EDA: variants seen among roughly 807,000 people sequenced by gnomAD.
The protein encoded by EDA is ectodysplasin-A.
A neutral mutation model predicts 23.6 loss-of-function variants in EDA; 2 were observed. That is an observed-to-expected ratio of 0.08 (90% CI 0.03 to 0.27). The LOEUF is 0.27. Among genes scored for constraint, EDA ranks in the 10% least tolerant of loss-of-function variants. The probability of loss-of-function intolerance (pLI) is 1.00; values close to 1 mark genes in which losing one functional copy is unlikely to be tolerated. For missense variants in EDA, 229 were observed against 324.2 expected (o/e 0.71, Z 2.26); for synonymous variants, 131 against 132.0 (o/e 0.99, Z 0.05).
intron 1 of EDA, among the ~76,000 whole-genome samples, chrX:69,699,965 C>T (rs1032919399): frequency 1.8e-5 from 2 of 110,591 alleles, no homozygotes; most frequent in African/African-American, 3.3e-5. Context: ...TAATTTCTTG[C>T]TTAGTTTGCA....
rs182047831 is a variant in EDA at position 69,943,361 on chromosome X, A to G, written c.397-13666A>G. Reference sequence around the variant, plus strand: ...TGAAGGGACTTGAGTGTTGTGATCTAAGTCTTTGGTCACTGCAGCTTTAGG... The same window carrying G: ...TGAAGGGACTTGAGTGTTGTGATCTGAGTCTTTGGTCACTGCAGCTTTAGG... On this transcript the variant is annotated intron_variant, in intron 1 of 7. Coordinates refer to ENST00000374552, the MANE Select transcript of EDA (RefSeq NM_001399.5). Among the ~76,000 whole-genome samples, 4 of 111,794 alleles carry G rather than the reference A, an allele frequency of 3.6e-5. No homozygotes were observed. In the East Asian group the frequency reaches 1.1e-3, roughly 32 times the overall value.
At chrX:69,689,334 C>T (rs1319370005) in intron 1 of EDA, among the ~76,000 whole-genome samples, 3 of 99,150 alleles carry the variant, frequency 3.0e-5, no homozygotes, top group East Asian at 3.1e-4. Context: ...CTTGCTCTGT[C>T]GCCCAGGCTA....
intron 1 of EDA, among the ~76,000 whole-genome samples, chrX:69,682,108 G>A (rs1046865556): frequency 1.8e-5 from 2 of 112,015 alleles, no homozygotes; most frequent in African/African-American, 6.5e-5. Context: ...GCCCCTGCTG[G>A]GGGTGCCTCC....
At chrX:69,721,321 C>G (rs1324550318) in intron 1 of EDA, among the ~76,000 whole-genome samples, 2 of 112,113 alleles carry the variant, frequency 1.8e-5, no homozygotes, top group Non-Finnish European at 3.8e-5. Flanking sequence ...CTTCTAAGAA[C>G]TGGTGCTTCT....
At chrX:70,025,269 A>G (rs1293987393) in intron 3 of EDA, among the ~76,000 whole-genome samples, 1 of 111,749 alleles carries the variant, frequency 8.9e-6, no homozygotes, top group Non-Finnish European at 1.9e-5. Context: ...CAGGAGACTC[A>G]CATTCTTGAA....
intron 2 of EDA, among the ~76,000 whole-genome samples, chrX:69,959,285 A>G (rs1409772730): frequency 1.8e-5 from 2 of 111,622 alleles, no homozygotes; most frequent in Non-Finnish European, 3.8e-5. Flanking sequence ...TTTTTCTTTA[A>G]TCAGTATAGC....
At chrX:69,803,525 C>T (rs1261254715) in intron 1 of EDA, among the ~76,000 whole-genome samples, 1 of 110,786 alleles carries the variant, frequency 9.0e-6, no homozygotes, top group Non-Finnish European at 1.9e-5. Flanking sequence ...TCAAATATTC[C>T]ATTGTGAAAT....
chrX:69,784,726 G>A (rs1480283006), intron 1 of EDA, among the ~76,000 whole-genome samples: 2 of 103,763 alleles, frequency 1.9e-5, no homozygotes, highest in South Asian at 9.1e-4. Context: ...CAGGTAGTGT[G>A]ATGCCTCCAG....
chrX:69,974,218 G>C (rs937456916), intron 2 of EDA, among the ~76,000 whole-genome samples: 1 of 110,452 alleles, frequency 9.1e-6, no homozygotes, highest in African/African-American at 3.3e-5. Context: ...CAAAGTCCTA[G>C]CTTTTGCTTT....
At chrX:70,033,373 G>A in intron 6 of EDA, 25 bp from the exon 7 acceptor site, 1 of 1,211,629 alleles carries the variant, frequency 8.3e-7, no homozygotes, top group South Asian at 1.8e-5. Flanking sequence ...CATGTACTGA[G>A]TGACTGCCCT....
intron 1 of EDA, among the ~76,000 whole-genome samples, chrX:69,635,027 G>A (rs952841329): frequency 8.9e-6 from 1 of 112,062 alleles, no homozygotes; most frequent in African/African-American, 3.2e-5. Flanking sequence ...TGTAGCCTAG[G>A]AGCAATAGGC....
chrX:69,729,816 C>T (rs1034672209), intron 1 of EDA, among the ~76,000 whole-genome samples: 4 of 110,944 alleles, frequency 3.6e-5, no homozygotes, highest in African/African-American at 1.3e-4. Context: ...ATGTTTCCTC[C>T]CCCTTTCCAC....
In EDA at chrX:70,016,422, C is replaced by T. The variant is rs180928609; in HGVS notation, c.503-6796C>T. Among the ~76,000 whole-genome samples, 7 of 107,944 alleles carry T rather than the reference C, an allele frequency of 6.5e-5. No individual in the cohort carries two copies. In the East Asian group the frequency reaches 2.0e-3, roughly 30 times the overall value. The allele number at this position is 107,944 out of a possible 115,157, so 93.7% of individuals were successfully genotyped here. A position where few individuals can be genotyped will look rare whatever the true frequency, so the allele number is the denominator to read the frequency against. On this transcript the variant is annotated intron_variant, in intron 2 of 7. Coordinates refer to ENST00000374552, the MANE Select transcript of EDA (RefSeq NM_001399.5). ...GAACTCTCTACCAATTAAAAAAAAA[C>T]CCAGAATATACATTCTTCTTATCTG...
chrX:69,929,735 T>A (rs1261312583), intron 1 of EDA, among the ~76,000 whole-genome samples: 2 of 106,595 alleles, frequency 1.9e-5, no homozygotes, highest in Admixed American at 1.0e-4. Flanking sequence ...TGTGTGTGTG[T>A]GTGTGTGTGT....
At chrX:69,804,524 A>G (rs763891358) in intron 1 of EDA, among the ~76,000 whole-genome samples, 64 of 111,011 alleles carry the variant, frequency 5.8e-4, no homozygotes, top group Non-Finnish European at 9.5e-4. Context: ...ACAAAGCTAA[A>G]AGAAACAGGT....
intron 1 of EDA, among the ~76,000 whole-genome samples, chrX:69,876,694 T>C: frequency 8.9e-6 from 1 of 111,896 alleles, no homozygotes; most frequent in South Asian, 3.7e-4. Context: ...CCATGGAATA[T>C]GTAGGTTTTT....
chrX:69,712,833 T>C (rs2012128852), intron 1 of EDA, among the ~76,000 whole-genome samples: 1 of 110,895 alleles, frequency 9.0e-6, no homozygotes, highest in Admixed American at 9.6e-5. Flanking sequence ...AATGATAGAC[T>C]GGATTAAGGA....
intron 1 of EDA, among the ~76,000 whole-genome samples, chrX:69,833,305 T>C (rs1189911440): frequency 2.7e-5 from 3 of 110,784 alleles, no homozygotes; most frequent in Non-Finnish European, 5.7e-5. Context: ...AATCATGTGG[T>C]TTTTTTGTTG....
intron 1 of EDA, among the ~76,000 whole-genome samples, chrX:69,834,907 T>A (rs1276438831): frequency 9.0e-6 from 1 of 111,627 alleles, no homozygotes; most frequent in Non-Finnish European, 1.9e-5. Context: ...AAGGCAGGCC[T>A]GGTGGTGACA....
Sources: gnomAD v4.1 joint callset for allele counts (sites outside exome capture counted in the v4.1 genomes callset) on GRCh38, gnomAD v4.1.1 for gene constraint, MANE v1.5 for transcripts, NCBI Gene and HGNC (gene_info 2026-07-23, HGNC 2026-07-21) for gene names.